Variants in MORC1 observed in about 807,000 individuals in gnomAD.
The protein encoded by MORC1 is MORC family CW-type zinc finger 1.
Under a neutral mutation model 134.9 loss-of-function variants are expected in MORC1, and 59 were observed. The observed-to-expected ratio is 0.44, with a 90% CI of 0.35 to 0.54. MORC1 has a LOEUF of 0.54. Ranked by LOEUF, MORC1 falls within the 20% of genes least tolerant of loss-of-function variation. MORC1 has a pLI of 0.00. For missense variants in MORC1, 947 were observed against 1,134.5 expected (o/e 0.83, Z 2.37); for synonymous variants, 395 against 391.7 (o/e 1.01, Z -0.10).
intron 3 of MORC1, 58 bp downstream of exon 3, chr3:109,110,691 A>G: frequency 7.3e-7 from 1 of 1,366,926 alleles, no homozygotes; most frequent in East Asian, 2.4e-5. Context: ...AAATACAAGC[A>G]AAATAACTAC....
intron 9 of MORC1, among the ~76,000 whole-genome samples, chr3:109,063,825 A>G (rs991412468): frequency 6.6e-5 from 10 of 152,168 alleles, no homozygotes; most frequent in African/African-American, 2.2e-4. Flanking sequence ...AGAACAAAGC[A>G]TAGGTGAGAA....
intron 9 of MORC1, among the ~76,000 whole-genome samples, chr3:109,064,926 A>T (rs1162963686): frequency 6.6e-6 from 1 of 152,238 alleles, no homozygotes; most frequent in East Asian, 1.9e-4. Flanking sequence ...CTCCTCTATC[A>T]TTCTGAAGAT....
chr3:109,013,611 C>T (rs1307373687), intron 17 of MORC1, among the ~76,000 whole-genome samples: 1 of 152,140 alleles, frequency 6.6e-6, no homozygotes, highest in Non-Finnish European at 1.5e-5. Context: ...TTTTGATATG[C>T]TACCGCTGGG....
chr3:109,043,112 T>C (rs1949594379), intron 14 of MORC1, among the ~76,000 whole-genome samples: 1 of 137,600 alleles, frequency 7.3e-6, no homozygotes, highest in Admixed American at 8.2e-5. Context: ...AGTAACATTA[T>C]TCACAATAGC....
intron 5 of MORC1, among the ~76,000 whole-genome samples, chr3:109,100,039 T>A (rs1270806080): frequency 6.6e-6 from 1 of 151,734 alleles, no homozygotes; most frequent in Non-Finnish European, 1.5e-5. Flanking sequence ...AGGTCAGGAG[T>A]TCGAGACTAG....
At chr3:109,007,941 A>ATATG (rs143794936) in intron 17 of MORC1, among the ~76,000 whole-genome samples, 2 of 149,512 alleles carry the variant, frequency 1.3e-5, no homozygotes, top group African/African-American at 4.9e-5. Flanking sequence ...GCACATATAT[A>ATATG]TGTGTGTGTG....
chr3:109,052,118 C>T (rs1462514041), intron 14 of MORC1, among the ~76,000 whole-genome samples: 1 of 152,134 alleles, frequency 6.6e-6, no homozygotes, highest in Non-Finnish European at 1.5e-5. Context: ...CCATGTCATA[C>T]TAGCAGTTAA....
rs540981127 is a variant in MORC1, at chr3:108,969,504, T to G, written c.2604+165A>C. Reference sequence around the variant, plus strand: ...ATGTTAGTATTTTAAAATTCAAAAATATGTTGCTTTATGACACCTGATAAG... The same window carrying G: ...ATGTTAGTATTTTAAAATTCAAAAAGATGTTGCTTTATGACACCTGATAAG... On this transcript the variant is annotated intron_variant, in intron 26 of 27. Coordinates refer to ENST00000232603, the MANE Select transcript of MORC1 (RefSeq NM_014429.4). Among the ~76,000 whole-genome samples the G allele has an allele frequency of 4.6e-5, 7 of 152,310 alleles. No homozygotes were observed. In the South Asian group the frequency reaches 1.4e-3, roughly 32 times the overall value.
chr3:108,968,318 G>C lies in MORC1; in HGVS notation c.2604+1351C>G, dbSNP rs192116745. Among the ~76,000 whole-genome samples the C allele has an allele frequency of 3.5e-4, 53 of 152,294 alleles. No homozygotes were observed. The East Asian group carries it at 9.1e-3, about 26-fold the overall frequency. ...AATTACACCTCCCCTTTTATTTCCA[G>C]TTGTTTATCACCGTCCAGTTGATAG... On this transcript the variant is annotated intron_variant, in intron 26 of 27. Transcript: ENST00000232603.
chr3:109,059,644 A>G (rs1203049483), intron 12 of MORC1, among the ~76,000 whole-genome samples, 162 bp downstream of exon 12: 1 of 152,078 alleles, frequency 6.6e-6, no homozygotes, highest in Non-Finnish European at 1.5e-5. Flanking sequence ...TACATTGCTT[A>G]TCTTGGTTGT....
chr3:109,058,405 A>C (rs1950009550), intron 12 of MORC1, among the ~76,000 whole-genome samples: 1 of 152,170 alleles, frequency 6.6e-6, no homozygotes, highest in Non-Finnish European at 1.5e-5. Context: ...CAAGAATGAC[A>C]CCAAAAATAA....
At position 109,040,444 on chromosome 3, in the gene MORC1, G is replaced by GAAAGAA. The variant is rs1559912678; in HGVS notation, c.1331-4982_1331-4977dup. Among the ~76,000 whole-genome samples, 5 of 119,844 alleles carry GAAAGAA rather than the reference G, an allele frequency of 4.2e-5. No homozygotes were observed. The South Asian group carries it at 8.8e-4, about 21-fold the overall frequency. The allele number at this position is 119,844 out of a possible 152,430, so 78.6% of individuals were successfully genotyped here. A position where few individuals can be genotyped will look rare whatever the true frequency, so the allele number is the denominator to read the frequency against. ...GGAAGGAAGGAAAGAAAGAAAGAAA[G>GAAAGAA]AAAGAAAGAAAGAAAGAAAGAAAGA... is the stretch of plus-strand genomic sequence containing the variant. On this transcript the variant is annotated intron_variant, in intron 14 of 27. Transcript: ENST00000232603.
At chr3:109,008,175 T>C (rs1045806990) in intron 17 of MORC1, among the ~76,000 whole-genome samples, 12 of 152,288 alleles carry the variant, frequency 7.9e-5, no homozygotes, top group African/African-American at 2.9e-4. Context: ...ACCAGGTCTA[T>C]TGACAGACAT....
rs1949225107 is a variant in MORC1, at chr3:109,030,838, T to C, written c.1565+1882A>G. On this transcript the variant is annotated intron_variant, in intron 16 of 27. Coordinates refer to ENST00000232603, the MANE Select transcript of MORC1 (RefSeq NM_014429.4). ...TACATTTTATAACTAAAAGTATTAT[T>C]TGAAACATTCTAACACAAAGAAATG... Among the ~76,000 whole-genome samples, 3 of 152,192 alleles carry C rather than the reference T, an allele frequency of 2.0e-5. No individual in the cohort carries two copies. In the South Asian group the frequency reaches 6.2e-4, roughly 31 times the overall value.
chr3:109,037,508 G>A (rs1196222328), intron 14 of MORC1, among the ~76,000 whole-genome samples: 2 of 152,144 alleles, frequency 1.3e-5, no homozygotes, highest in Non-Finnish European at 2.9e-5. Flanking sequence ...TTGTTACGTA[G>A]GCATACATGT....
At chr3:109,001,289 C>T (rs143222643) in intron 20 of MORC1, among the ~76,000 whole-genome samples, 281 of 152,228 alleles carry the variant, frequency 1.8e-3, no homozygotes, top group Non-Finnish European at 2.6e-3. Context: ...CCCACCACCA[C>T]GCCTGGGAAA....
intron 2 of MORC1, among the ~76,000 whole-genome samples, chr3:109,112,405 A>G (rs745902434): frequency 2.6e-5 from 4 of 152,268 alleles, no homozygotes; most frequent in Non-Finnish European, 2.9e-5. Context: ...TCTTAGAATA[A>G]CATGGGGACT....
At position 108,971,423 on chromosome 3, in the gene MORC1, G is replaced by A. The variant is rs748251990; in HGVS notation, c.2478-21C>T. 4.4e-6 allele frequency: 7 copies of A among 1,597,962 alleles called. No homozygotes were observed. In the East Asian group the frequency reaches 1.6e-4, roughly 36 times the overall value. ...TCTCCCTAGGAATACAAGCACAGCA[G>A]ATATGGGAATATACTAGGATAACAG... On this transcript the variant is annotated intron_variant, in intron 24 of 27. Transcript: ENST00000232603.
chr3:109,055,155 A>G (rs1174243552), intron 13 of MORC1, among the ~76,000 whole-genome samples: 1 of 152,098 alleles, frequency 6.6e-6, no homozygotes, highest in African/African-American at 2.4e-5. Flanking sequence ...GTGGAGAGTG[A>G]GGGTGGGTGG....
Sources: allele counts gnomAD v4.1 joint callset (sites outside exome capture counted in the v4.1 genomes callset), GRCh38; gene constraint gnomAD v4.1.1; transcripts MANE v1.5; gene names NCBI Gene and HGNC (gene_info 2026-07-23, HGNC 2026-07-21).